Variants in PPP1R10 observed in about 807,000 individuals in gnomAD.
PPP1R10 encodes serine/threonine-protein phosphatase 1 regulatory subunit 10.
PPP1R10 carries 15 observed loss-of-function variants against 99.0 expected under a neutral mutation model. The observed-to-expected ratio is 0.15, with a 90% CI of 0.10 to 0.23. The LOEUF (loss-of-function observed/expected upper bound fraction) is 0.23, where lower values mean the gene tolerates loss of function less well. PPP1R10 is among the 10% of genes least tolerant of loss of function. The pLI, the probability that PPP1R10 is intolerant of heterozygous loss-of-function variation, is 1.00. For synonymous variants in PPP1R10, 430 were observed against 449.5 expected, an observed-to-expected ratio of 0.96 and a Z score of 0.55; for missense variants, 947 against 1,259.4, an observed-to-expected ratio of 0.75 and a Z score of 3.75.
rs17189141 is a variant in PPP1R10 at position 30,603,063 on chromosome 6, G to T, written c.1844-104C>A. The stretch of plus-strand genomic sequence containing the variant: ...GACCCTCTCAAACCAACCTGGCAGA[G>T]CAATGCTCTCTCTGTCCAGTCTTCC... On this transcript the variant is annotated intron_variant, in intron 17 of 19. Transcript: ENST00000376511. 800 of 1,365,642 alleles carry T rather than the reference G, an allele frequency of 5.9e-4. 1 individual carries two copies. Among genetic ancestry groups the T allele is most frequent in the Non-Finnish European group, 7.6e-4 (743 of 983,822 alleles). The allele number at this position is 1,365,642 out of a possible 1,614,324, so 84.6% of individuals were successfully genotyped here.
At position 30,604,458 on chromosome 6, in the gene PPP1R10, G is replaced by A. The variant is rs750687931; in HGVS notation, c.1156C>T (p.Pro386Ser). Residue 386 changes from proline (P) to serine (S), a missense_variant, in exon 13 of 20, where the codon CCT becomes TCT. Pro to Ser is a moderately conservative substitution (Grantham distance 74, BLOSUM62 -1). This residue lies in a region of PPP1R10 where 100 missense variants were observed against 105.8 expected (regional missense o/e 0.94). Transcript: ENST00000376511. The surrounding 1 kb of genome is among the most constrained non-coding windows in gnomAD (Gnocchi z 7.3). ...CTGCCTTTCCGGGTCAGTTGGTTAG[G>A]ATCTCCAGGACTCTCCACTGGCTTG... is the stretch of plus-strand genomic sequence containing the variant. ...DAKPVESPGD[P>S]NQLTRKGRKR... is the part of the protein sequence containing the mutation. 2 of 1,613,112 alleles carry A rather than the reference G, an allele frequency of 1.2e-6. No individual in the cohort carries two copies. The highest frequency in any genetic ancestry group is 1.7e-6 in the Non-Finnish European group (2 of 1,180,034).
intron 2 of PPP1R10, among the ~76,000 whole-genome samples, chr6:30,611,078 G>A (rs1254924620): frequency 1.3e-5 from 2 of 152,208 alleles, no homozygotes; most frequent in Non-Finnish European, 2.9e-5. Context: ...GGAGGCCAAG[G>A]TGGGCAGATT....
chr6:30,606,926 A>T lies in PPP1R10; in HGVS notation c.383-70T>A, dbSNP rs915896689. On this transcript the variant is annotated intron_variant, in intron 6 of 19. Transcript: ENST00000376511. The surrounding 1 kb of genome is among the most constrained non-coding windows in gnomAD (Gnocchi z 6.3). ...CATTCTTCCAGGAACAGAAAATGGG[A>T]GGTTTGAGAAAATATTGTGAAAATT... is the stretch of plus-strand genomic sequence containing the variant. 26 of 1,369,408 alleles carry T rather than the reference A, an allele frequency of 1.9e-5. No individual in the cohort carries two copies. Among genetic ancestry groups the T allele is most frequent in the Non-Finnish European group, 2.0e-5 (20 of 976,144 alleles). The allele number at this position is 1,369,408 out of a possible 1,614,324, so 84.8% of individuals were successfully genotyped here. A position where few individuals can be genotyped will look rare whatever the true frequency, so the allele number is the denominator to read the frequency against.
At chr6:30,612,248 T>C (rs1804636268) in intron 2 of PPP1R10, among the ~76,000 whole-genome samples, 1 of 152,238 alleles carries the variant, frequency 6.6e-6, no homozygotes. Flanking sequence ...TGAATATATA[T>C]AACCCTGGAG....
intron 2 of PPP1R10, chr6:30,614,528 G>C (rs1297048136): frequency 1.3e-5 from 2 of 152,114 alleles, no homozygotes. Flanking sequence ...CGATTTAGAA[G>C]AAAGTCCTAA....
chr6:30,611,627 G>GT lies in PPP1R10; in HGVS notation c.-11-1673dup, dbSNP rs774392309. Among the ~76,000 whole-genome samples, 8 of 152,348 alleles carry GT rather than the reference G, an allele frequency of 5.3e-5. No homozygotes were observed. In the East Asian group the frequency reaches 1.3e-3, roughly 26 times the overall value. ...TTTTGTCCTCCCAACAAAAACGTCAGTAAGTTTCCAAATGTGTAGGTCCTA... is the reference window on the plus strand; with the variant it reads ...TTTTGTCCTCCCAACAAAAACGTCAGTTAAGTTTCCAAATGTGTAGGTCCTA... On this transcript the variant is annotated intron_variant, in intron 2 of 19. Coordinates refer to ENST00000376511, the MANE Select transcript of PPP1R10 (RefSeq NM_002714.4).
rs901455128 is a variant in PPP1R10, at chr6:30,603,225, T to A, written c.1828A>T (p.Ile610Phe). The stretch of plus-strand genomic sequence containing the variant: ...TGAAGATTACCCAGCATCTGCTTGA[T>A]CTTGTCCGAATAGTCTGGTTGTTTC... ...LLKQPDYSDK[I>F]KQMLVPHGLL... The change falls in exon 17 of 20, where the codon ATC becomes TTC. Residue 610 changes from isoleucine to phenylalanine, a missense_variant. Transcript: ENST00000376511. 40 of 1,613,434 alleles carry A rather than the reference T, an allele frequency of 2.5e-5. No individual in the cohort carries two copies. Among genetic ancestry groups the A allele is most frequent in the Non-Finnish European group, 3.3e-5 (39 of 1,179,394 alleles).
intron 2 of PPP1R10, among the ~76,000 whole-genome samples, chr6:30,615,951 A>C (rs1450423585): frequency 6.6e-6 from 1 of 152,214 alleles, no homozygotes; most frequent in South Asian, 2.1e-4. Flanking sequence ...AGTTATAGCG[A>C]GCTATTACTT....
In PPP1R10 at chr6:30,601,547, C is replaced by T. The variant is rs944078438; in HGVS notation, c.*2G>A. The T allele has an allele frequency of 1.9e-6, 3 of 1,613,460 alleles. No homozygotes were observed. In the Admixed American group the frequency reaches 5.0e-5, roughly 27 times the overall value. On this transcript the variant is annotated 3_prime_UTR_variant, in exon 20 of 20. Transcript: ENST00000376511. ...TGTGTGAACAGGGCAGGCAAATGGT[C>T]CCTAGGGCAGGGGGGGCCCATTGAC...
chr6:30,613,147 T>G (rs1228724300), intron 2 of PPP1R10, among the ~76,000 whole-genome samples: 1 of 152,178 alleles, frequency 6.6e-6, no homozygotes, highest in Admixed American at 6.5e-5. Flanking sequence ...TTACCAGAGA[T>G]AAACGTCTGT....
In PPP1R10 at chr6:30,604,324, C is replaced by T. The variant is rs1561833943; in HGVS notation, c.1261+29G>A. 5 of 1,613,928 alleles carry T rather than the reference C, an allele frequency of 3.1e-6. No homozygotes were observed. The highest frequency in any genetic ancestry group is 1.3e-5 in the African/African-American group (1 of 74,938). ...AAGTCCTTTCAAAATCCCTTAAACA[C>T]ACCTATTACGTAGGAAATGACCTCT... is the stretch of plus-strand genomic sequence containing the variant. On this transcript the variant is annotated intron_variant, in intron 13 of 19. Transcript: ENST00000376511. This position sits in a 1 kb window ranked among gnomAD's most constrained non-coding sequence, Gnocchi z 7.3.
At chr6:30,603,893 T>A (rs749802926) in intron 14 of PPP1R10, 50 bp from the exon 15 acceptor site, 1 of 1,522,550 alleles carries the variant, frequency 6.6e-7, no homozygotes, top group South Asian at 1.3e-5. Flanking sequence ...GTCAAGTTAT[T>A]AATTCAGACC....
At chr6:30,612,958 A>T (rs1804708145) in intron 2 of PPP1R10, among the ~76,000 whole-genome samples, 1 of 152,142 alleles carries the variant, frequency 6.6e-6, no homozygotes, top group Admixed American at 6.5e-5. Context: ...CGGCATGATT[A>T]TGTCTTCTTT....
At chr6:30,608,004 T>A in intron 5 of PPP1R10, 113 bp from the exon 6 acceptor site, 1 of 1,124,722 alleles carries the variant, frequency 8.9e-7, no homozygotes, top group Non-Finnish European at 1.3e-6. Flanking sequence ...TTTTTTATTT[T>A]TTGAGACGGA....
rs751450943 is a variant in PPP1R10, at chr6:30,602,339, G to A, written c.2310C>T (p.His770=). The change falls in exon 19 of 20, where the codon CAC becomes CAT. Residue 770 remains histidine (H), a synonymous_variant. Transcript: ENST00000376511. This position sits in a 1 kb window ranked among gnomAD's most constrained non-coding sequence, Gnocchi z 6.7. ...GMGNSSGHRP[H]EGPGGGMGSG... ...TTCCCATGCCACCGCCAGGGCCTTC[G>A]TGGGGACGATGTCCACTGCTGTTGC... is the stretch of plus-strand genomic sequence containing the variant. The A allele has an allele frequency of 1.8e-5, 29 of 1,611,566 alleles. No homozygotes were observed. Among genetic ancestry groups the A allele is most frequent in the Middle Eastern group, 1.7e-4 (1 of 6,058 alleles).
At chr6:30,611,204 C>T (rs527824772) in intron 2 of PPP1R10, among the ~76,000 whole-genome samples, 2 of 152,058 alleles carry the variant, frequency 1.3e-5, no homozygotes, top group Admixed American at 6.6e-5. Flanking sequence ...GGGAGGCTGA[C>T]GTGGGAAAAC....
rs768183410 is a variant in PPP1R10 at position 30,604,746 on chromosome 6, A to G, written c.955-11T>C. 10 of 1,612,824 alleles carry G rather than the reference A, an allele frequency of 6.2e-6. No individual in the cohort carries two copies. The East Asian group carries it at 2.2e-4, about 36-fold the overall frequency. On this transcript the variant is annotated splice_polypyrimidine_tract_variant and intron_variant, in intron 11 of 19. Coordinates refer to ENST00000376511, the MANE Select transcript of PPP1R10 (RefSeq NM_002714.4). This position sits in a 1 kb window ranked among gnomAD's most constrained non-coding sequence, Gnocchi z 7.3. ...TTCAAAGGGGCTTGGCTATTGTGAA[A>G]GAAAAGGAAGTTAATGAACTGACTG...
intron 6 of PPP1R10, 149 bp from the exon 7 acceptor site, chr6:30,607,005 A>G (rs936494085): frequency 2.8e-6 from 2 of 705,206 alleles, no homozygotes; most frequent in African/African-American, 3.6e-5. Context: ...GATATGCTTA[A>G]AAACCAAACC....
chr6:30,603,484 G>A lies in PPP1R10; in HGVS notation c.1755C>T (p.Leu585=), dbSNP rs1226103317. 6.2e-7 allele frequency: 1 copy of A among 1,610,758 alleles called. No individual in the cohort carries two copies. Among genetic ancestry groups the A allele is most frequent in the East Asian group, 2.2e-5 (1 of 44,854 alleles). Residue 585 remains leucine (L), a synonymous_variant, in exon 16 of 20, where the codon CTC becomes CTT. Coordinates refer to ENST00000376511, the MANE Select transcript of PPP1R10 (RefSeq NM_002714.4). ...GGGGINVQEI[L]TSIMGSPNSH... is the part of the protein sequence containing the mutation. ...GGAGGGTGCGTACCATGATGGAGGT[G>A]AGGATCTCTTGGACATTAATGCCTC...
Sources: allele counts gnomAD v4.1 joint callset (sites outside exome capture counted in the v4.1 genomes callset), GRCh38; gene constraint gnomAD v4.1.1; regional missense constraint gnomAD v4.1.1; non-coding constraint Gnocchi (gnomAD v3.1); transcripts MANE v1.5; gene names NCBI Gene and HGNC (gene_info 2026-07-23, HGNC 2026-07-21).